GNAL: variants seen among roughly 807,000 people sequenced by gnomAD.
GNAL encodes G protein subunit alpha L, also known as guanine nucleotide-binding protein G(olf) subunit alpha.
GNAL carries 18 observed loss-of-function variants against 55.1 expected under a neutral mutation model. The ratio of observed to expected loss-of-function variants is 0.33; its 90% CI spans 0.23 to 0.48. The LOEUF is 0.48. GNAL is among the 20% of genes least tolerant of loss of function. The probability of loss-of-function intolerance (pLI) is 0.99; values close to 1 mark genes in which losing one functional copy is unlikely to be tolerated. For missense variants in GNAL, 412 were observed against 614.1 expected (o/e 0.67, Z 3.48); for synonymous variants, 253 against 237.0 (o/e 1.07, Z -0.62).
At chr18:11,780,050 T>C (rs1298983418) in intron 4 of GNAL, among the ~76,000 whole-genome samples, 1 of 152,238 alleles carries the variant, frequency 6.6e-6, no homozygotes. Flanking sequence ...AGTTAGTACC[T>C]TGTTACAGCT....
intron 4 of GNAL, among the ~76,000 whole-genome samples, chr18:11,771,685 T>C (rs1443164606): frequency 6.6e-6 from 1 of 152,134 alleles, no homozygotes; most frequent in Non-Finnish European, 1.5e-5. Flanking sequence ...AAGTGCAGTA[T>C]GGCCAGCACA....
At chr18:11,875,311 T>G (rs370812559) in intron 10 of GNAL, among the ~76,000 whole-genome samples, 1 of 152,064 alleles carries the variant, frequency 6.6e-6, no homozygotes, top group African/African-American at 2.4e-5. Context: ...GGCAGGTCAG[T>G]AGGATTTCTC....
intron 7 of GNAL, among the ~76,000 whole-genome samples, chr18:11,865,587 CAAAAA>C (rs61456751): frequency 8.1e-6 from 1 of 123,122 alleles, no homozygotes; most frequent in Admixed American, 8.0e-5. Context: ...CTGTCTCTAC[CAAAAA>C]AAAAAAAAAA....
At chr18:11,784,731 A>G (rs1349687456) in intron 4 of GNAL, among the ~76,000 whole-genome samples, 1 of 152,186 alleles carries the variant, frequency 6.6e-6, no homozygotes, top group South Asian at 2.1e-4. Flanking sequence ...GAAATGGAGA[A>G]AGATTTTTTC....
At chr18:11,841,515 G>T (rs956013462) in intron 5 of GNAL, among the ~76,000 whole-genome samples, 1 of 151,856 alleles carries the variant, frequency 6.6e-6, no homozygotes, top group Non-Finnish European at 1.5e-5. Flanking sequence ...GCATGGTGAC[G>T]CATGCTGTAA....
chr18:11,742,600 C>T (rs185902438), intron 1 of GNAL, among the ~76,000 whole-genome samples: 119 of 152,370 alleles, frequency 7.8e-4, no homozygotes, highest in African/African-American at 2.8e-3. Flanking sequence ...TATGCTCACC[C>T]GACCTCTGAG....
Position 11,830,233 on chromosome 18 carries a change from C to T in GNAL, c.722+5218C>T, listed in dbSNP as rs76358386. ...CTCTTGGAAAAGCTCTGACTTAAATCTTGGTGTGACAGTAAGTCACTGTGT... is the reference window on the plus strand; with the variant it reads ...CTCTTGGAAAAGCTCTGACTTAAATTTTGGTGTGACAGTAAGTCACTGTGT... On this transcript the variant is annotated intron_variant, in intron 5 of 11. Coordinates refer to ENST00000334049, the MANE Select transcript of GNAL (RefSeq NM_182978.4). Among the ~76,000 whole-genome samples, 953 of 148,100 alleles carry T rather than the reference C, an allele frequency of 6.4e-3. 9 individuals carry two copies. The highest frequency in any genetic ancestry group is 0.022 in the African/African-American group (882 of 40,446).
Position 11,791,385 on chromosome 18 carries a change from C to T in GNAL, c.625-33533C>T, listed in dbSNP as rs1187593430. Among the ~76,000 whole-genome samples, 5 of 152,172 alleles carry T rather than the reference C, an allele frequency of 3.3e-5. No individual in the cohort carries two copies. In the South Asian group the frequency reaches 8.3e-4, roughly 25 times the overall value. ...AGGCTCCCCTGTTGAGCAGTGAAGA[C>T]GCCTGGGTTAGGGGGTGAAACCAGA... is the stretch of plus-strand genomic sequence containing the variant. On this transcript the variant is annotated intron_variant, in intron 4 of 11. Transcript: ENST00000334049.
intron 2 of GNAL, 114 bp downstream of exon 2, chr18:11,753,039 C>A (rs2032909965): frequency 3.4e-6 from 2 of 594,286 alleles, no homozygotes; most frequent in Non-Finnish European, 3.0e-6. Context: ...AGTAGACATT[C>A]AAGGGGGAAA....
intron 5 of GNAL, among the ~76,000 whole-genome samples, chr18:11,850,876 T>C (rs762171855): frequency 2.0e-5 from 3 of 152,212 alleles, no homozygotes; most frequent in Non-Finnish European, 4.4e-5. Flanking sequence ...CTAGCACAAA[T>C]TGTAGTCAAA....
intron 4 of GNAL, among the ~76,000 whole-genome samples, chr18:11,799,862 T>C (rs1042000814): frequency 2.0e-5 from 3 of 152,114 alleles, no homozygotes; most frequent in African/African-American, 7.2e-5. Context: ...AGTGTGCACC[T>C]GTCTGTCTGG....
chr18:11,844,709 C>T (rs1393348541), intron 5 of GNAL, among the ~76,000 whole-genome samples: 1 of 152,122 alleles, frequency 6.6e-6, no homozygotes, highest in Non-Finnish European at 1.5e-5. Flanking sequence ...GCAGACTAGC[C>T]CTGGGAAGAG....
At chr18:11,696,164 TC>T (rs2143296717) in intron 1 of GNAL, among the ~76,000 whole-genome samples, 1 of 152,200 alleles carries the variant, frequency 6.6e-6, no homozygotes, top group African/African-American at 2.4e-5. Flanking sequence ...TCAGAAGAAA[TC>T]CCAGTACTCT....
intron 5 of GNAL, among the ~76,000 whole-genome samples, chr18:11,838,783 C>T (rs1568050749): frequency 6.6e-6 from 1 of 152,088 alleles, no homozygotes; most frequent in South Asian, 2.1e-4. Context: ...TTTTAAAAAT[C>T]AGTTTAAGAG....
At chr18:11,757,147 T>G (rs538300411) in intron 4 of GNAL, among the ~76,000 whole-genome samples, 4 of 152,308 alleles carry the variant, frequency 2.6e-5, no homozygotes, top group East Asian at 3.9e-4. Context: ...TCTTTGGGTC[T>G]TTTGCTCTCT....
intron 1 of GNAL, among the ~76,000 whole-genome samples, chr18:11,701,561 CAAAAAAAA>C (rs36089846): frequency 3.5e-5 from 2 of 56,386 alleles, no homozygotes; most frequent in African/African-American, 1.2e-4. Flanking sequence ...GCAAGAATCT[CAAAAAAAA>C]AAAAAAAAAA....
At chr18:11,729,287 T>G (rs1222784127) in intron 1 of GNAL, among the ~76,000 whole-genome samples, 1 of 152,106 alleles carries the variant, frequency 6.6e-6, no homozygotes, top group African/African-American at 2.4e-5. Flanking sequence ...GTCTTAGCGC[T>G]CCTCTTGCCC....
intron 4 of GNAL, among the ~76,000 whole-genome samples, chr18:11,805,265 A>C (rs144407571): frequency 5.1e-4 from 78 of 151,858 alleles, no homozygotes; most frequent in African/African-American, 1.8e-3. Flanking sequence ...TGGAACATGG[A>C]GATATTGTGT....
At chr18:11,873,578 C>T (rs575582097) in intron 10 of GNAL, among the ~76,000 whole-genome samples, 63 of 152,340 alleles carry the variant, frequency 4.1e-4, no homozygotes, top group African/African-American at 1.3e-3. Flanking sequence ...GGTCACTCAG[C>T]GTGAGGTCAA....
Sources: allele counts gnomAD v4.1 joint callset (sites outside exome capture counted in the v4.1 genomes callset), GRCh38; gene constraint gnomAD v4.1.1; transcripts MANE v1.5; gene names NCBI Gene and HGNC (gene_info 2026-07-23, HGNC 2026-07-21).